Variants in TLN2 observed in about 807,000 individuals in gnomAD.
TLN2 encodes the protein talin 2, also known as talin-2.
A neutral mutation model predicts 294.7 loss-of-function variants in TLN2; 118 were observed. The ratio of observed to expected loss-of-function variants is 0.40; its 90% CI spans 0.34 to 0.47. TLN2 has a LOEUF of 0.47. Among genes scored for constraint, TLN2 ranks in the 20% least tolerant of loss-of-function variants. The pLI, the probability that TLN2 is intolerant of heterozygous loss-of-function variation, is 0.84. For synonymous variants in TLN2, 1,431 were observed against 1,304.5 expected (o/e 1.10, Z -2.09); for missense variants, 3,083 against 3,282.2 (o/e 0.94, Z 1.48).
rs188876926 is a variant in TLN2 at position 62,774,445 on chromosome 15, T to C, written c.5368-2319T>C. On this transcript the variant is annotated intron_variant, in intron 42 of 58. Coordinates refer to ENST00000636159, the MANE Select transcript of TLN2 (RefSeq NM_015059.3). ...TGGTTTAAACAGGCCTTAATTGAGA[T>C]CCAACTGTGTCTTTGGGTATCTGAA... Among the ~76,000 whole-genome samples, 398 of 152,266 alleles carry C rather than the reference T, an allele frequency of 2.6e-3. 2 individuals are homozygous for C. The highest frequency in any genetic ancestry group is 5.1e-3 in the Admixed American group (78 of 15,302).
chr15:62,688,280 C>T (rs2057464532), intron 12 of TLN2, among the ~76,000 whole-genome samples: 1 of 152,036 alleles, frequency 6.6e-6, no homozygotes, highest in Non-Finnish European at 1.5e-5. Flanking sequence ...TACTCCTAGC[C>T]TTTATTTAAT....
intron 1 of TLN2, among the ~76,000 whole-genome samples, chr15:62,425,338 A>C (rs1451303705): frequency 6.6e-6 from 1 of 151,946 alleles, no homozygotes; most frequent in Non-Finnish European, 1.5e-5. Flanking sequence ...CCTGCGGTTG[A>C]TCTCCAGCAG....
chr15:62,693,955 C>CTTTTTTTT (rs71131123), intron 13 of TLN2, among the ~76,000 whole-genome samples: 2 of 94,228 alleles, frequency 2.1e-5, no homozygotes, highest in African/African-American at 8.0e-5. Flanking sequence ...GATTTTCTTT[C>CTTTTTTTT]TTTTTTTTTT....
chr15:62,572,124 C>T (rs2043924523), intron 1 of TLN2, among the ~76,000 whole-genome samples: 1 of 152,198 alleles, frequency 6.6e-6, no homozygotes, highest in Admixed American at 6.5e-5. Flanking sequence ...TCTAGCTTGA[C>T]ACTGGGCATA....
At chr15:62,791,413 C>G (rs927506357) in intron 45 of TLN2, among the ~76,000 whole-genome samples, 2 of 152,156 alleles carry the variant, frequency 1.3e-5, no homozygotes, top group Admixed American at 6.5e-5. Flanking sequence ...CTTTGTCGAT[C>G]ACGAGAATAT....
intron 50 of TLN2, among the ~76,000 whole-genome samples, chr15:62,802,437 C>CAT (rs59200582): frequency 2.2e-4 from 31 of 141,334 alleles, no homozygotes; most frequent in South Asian, 6.9e-4. Context: ...CACACACACA[C>CAT]ATATATATAA....
intron 1 of TLN2, among the ~76,000 whole-genome samples, chr15:62,582,195 TACACACACACACACACACACACACAC>T (rs67748452): frequency 4.5e-5 from 3 of 66,474 alleles, no homozygotes; most frequent in Non-Finnish European, 8.8e-5. Flanking sequence ...TGTGTATGCA[TACACACACACACACACACACACACAC>T]ACACACACAC....
chr15:62,466,927 G>C (rs1011820305), intron 1 of TLN2, among the ~76,000 whole-genome samples: 2 of 152,224 alleles, frequency 1.3e-5, no homozygotes, highest in East Asian at 3.8e-4. Context: ...GGGTGGGGAA[G>C]TTGTCAAAAT....
chr15:62,831,166 A>G (rs2068802159), intron 54 of TLN2: 1 of 152,126 alleles, frequency 6.6e-6, no homozygotes, highest in Non-Finnish European at 1.5e-5. Context: ...AAGAAATTCC[A>G]TTTTTGAAAA....
At chr15:62,608,324 C>T (rs1419702444) in intron 2 of TLN2, among the ~76,000 whole-genome samples, 2 of 152,074 alleles carry the variant, frequency 1.3e-5, no homozygotes, top group East Asian at 1.9e-4. Context: ...TTAGACTTCT[C>T]CCTAAGAATA....
At chr15:62,417,017 A>T (rs750701991) in intron 1 of TLN2, among the ~76,000 whole-genome samples, 7 of 152,156 alleles carry the variant, frequency 4.6e-5, no homozygotes, top group Non-Finnish European at 1.0e-4. Flanking sequence ...CAGAAGCCTA[A>T]CAGATCTATT....
At chr15:62,660,373 T>G (rs1445716819) in intron 9 of TLN2, among the ~76,000 whole-genome samples, 1 of 152,144 alleles carries the variant, frequency 6.6e-6, no homozygotes, top group African/African-American at 2.4e-5. Context: ...TTAAGGATGA[T>G]TTAATATATC....
At chr15:62,562,939 C>CACAG (rs1555430341) in intron 1 of TLN2, among the ~76,000 whole-genome samples, 49 of 149,438 alleles carry the variant, frequency 3.3e-4, no homozygotes, top group African/African-American at 1.1e-3. Flanking sequence ...CACACACACA[C>CACAG]ACACACACAC....
At position 62,589,753 on chromosome 15, in the gene TLN2, A is replaced by T. The variant is rs1164569742; in HGVS notation, c.-171A>T. 6.6e-6 allele frequency: 1 copy of T among 152,220 alleles called. No individual in the cohort carries two copies. The highest frequency in any genetic ancestry group is 1.9e-4 in the East Asian group (1 of 5,196). The allele number at this position is 152,220 out of a possible 1,614,324, so 9.4% of individuals were successfully genotyped here. A position where few individuals can be genotyped will look rare whatever the true frequency, so the allele number is the denominator to read the frequency against. On this transcript the variant is annotated 5_prime_UTR_variant, in exon 2 of 59. Transcript: ENST00000636159. The stretch of plus-strand genomic sequence containing the variant: ...GGAAATACGCTCTTAATAGAAACTG[A>T]GAATTTAAGGTAAGTCCTTTCGCAA...
chr15:62,479,834 A>G (rs542757098), intron 1 of TLN2, among the ~76,000 whole-genome samples: 1 of 152,312 alleles, frequency 6.6e-6, no homozygotes, highest in South Asian at 2.1e-4. Context: ...ACTGTGCTTC[A>G]TCCTTGTGTC....
Position 62,700,986 on chromosome 15 carries a change from G to A in TLN2, c.1588-120G>A, listed in dbSNP as rs114133326. ...TTTAGGATAACTTAAGGGCCCTGTC[G>A]GTGCTGGCCTCATAAGAAGAATGTA... On this transcript the variant is annotated intron_variant, in intron 16 of 58. Transcript: ENST00000636159. The A allele has an allele frequency of 7.9e-4, 626 of 788,872 alleles. 1 individual carries two copies. Among genetic ancestry groups the A allele is most frequent in the Non-Finnish European group, 1.2e-3 (579 of 471,186 alleles). The allele number at this position is 788,872 out of a possible 1,614,324, so 48.9% of individuals were successfully genotyped here.
chr15:62,570,770 C>G (rs551918726), intron 1 of TLN2, among the ~76,000 whole-genome samples: 47 of 152,316 alleles, frequency 3.1e-4, no homozygotes, highest in African/African-American at 1.1e-3. Flanking sequence ...CCAAAAATTT[C>G]CCCAGACAAC....
intron 11 of TLN2, among the ~76,000 whole-genome samples, chr15:62,676,482 T>C (rs2056207000): frequency 6.6e-6 from 1 of 152,240 alleles, no homozygotes; most frequent in African/African-American, 2.4e-5. Context: ...TAAATGGCAC[T>C]GGTGCCATCT....
At position 62,427,661 on chromosome 15, in the gene TLN2, T is replaced by A. The variant is rs78482736; in HGVS notation, c.-238+36976T>A. Among the ~76,000 whole-genome samples the A allele has an allele frequency of 6.8e-4, 104 of 152,274 alleles. 1 individual carries two copies. The highest frequency in any genetic ancestry group is 2.4e-3 in the African/African-American group (101 of 41,566). ...CGACCCTCCTTTGCCCTCCAGACGATGCCCTTGGGATCTGAGTCCCTGGTA... is the reference window on the plus strand; with the variant it reads ...CGACCCTCCTTTGCCCTCCAGACGAAGCCCTTGGGATCTGAGTCCCTGGTA... On this transcript the variant is annotated intron_variant, in intron 1 of 58. Transcript: ENST00000636159.
Sources: gnomAD v4.1 joint callset for allele counts (sites outside exome capture counted in the v4.1 genomes callset) on GRCh38, gnomAD v4.1.1 for gene constraint, MANE v1.5 for transcripts, NCBI Gene and HGNC (gene_info 2026-07-23, HGNC 2026-07-21) for gene names.